LYPLAL1: variants seen among roughly 807,000 people sequenced by gnomAD.
LYPLAL1 encodes the protein lysophospholipase-like protein 1.
In LYPLAL1, 23 loss-of-function variants were observed where a neutral mutation model predicts 19.7. The observed-to-expected ratio is 1.17, with a 90% CI of 0.84 to 1.65. The LOEUF is 1.65. Among genes scored for constraint, LYPLAL1 ranks in the 40% most tolerant of loss-of-function variants. LYPLAL1 has a pLI of 0.00. For synonymous variants in LYPLAL1, 119 were observed against 96.3 expected, an observed-to-expected ratio of 1.24 and a Z score of -1.38; for missense variants, 355 against 279.4, an observed-to-expected ratio of 1.27 and a Z score of -1.93.
At chr1:219,313,887 T>TTTACACAAACA in the LYPLAL1 span, among the ~76,000 whole-genome samples, 1 of 152,174 alleles carries the variant, frequency 6.6e-6, no homozygotes, top group Non-Finnish European at 1.5e-5. Context: ...GTAAATTGAG[T>TTTACACAAACA]GTCACAGGGG....
chr1:219,361,610 T>C, the LYPLAL1 span, among the ~76,000 whole-genome samples: 2 of 152,140 alleles, frequency 1.3e-5, no homozygotes, highest in African/African-American at 2.4e-5. Flanking sequence ...TTTTAAAATA[T>C]GTGCACAAGA....
chr1:219,184,212 C>G (rs1019465664), intron 2 of LYPLAL1, among the ~76,000 whole-genome samples: 38 of 151,844 alleles, frequency 2.5e-4, no homozygotes, highest in Non-Finnish European at 7.4e-5. Flanking sequence ...ATTAATTTCT[C>G]TCAGAAGTGA....
chr1:219,269,915 C>G, the LYPLAL1 span, among the ~76,000 whole-genome samples: 1 of 152,152 alleles, frequency 6.6e-6, no homozygotes, highest in Non-Finnish European at 1.5e-5. Flanking sequence ...AAATACCAAA[C>G]TGCTATTTCC....
the LYPLAL1 span, among the ~76,000 whole-genome samples, chr1:219,245,270 C>T: frequency 2.0e-5 from 3 of 149,552 alleles, no homozygotes; most frequent in Non-Finnish European, 4.4e-5. Context: ...GCTCATTTAC[C>T]ATATCACATT....
At chr1:219,279,341 G>A in the LYPLAL1 span, among the ~76,000 whole-genome samples, 48 of 152,278 alleles carry the variant, frequency 3.2e-4, no homozygotes, top group African/African-American at 7.9e-4. Flanking sequence ...AATGGGGCAC[G>A]CCATCAGGTA....
chr1:219,366,898 T>C, the LYPLAL1 span, among the ~76,000 whole-genome samples: 5 of 152,114 alleles, frequency 3.3e-5, no homozygotes, highest in Non-Finnish European at 5.9e-5. Context: ...ATGTCTTTAC[T>C]TCCAGAAAAA....
chr1:219,230,551 A>C, the LYPLAL1 span, among the ~76,000 whole-genome samples: 52,315 of 152,138 alleles, frequency 0.34, 9,415 homozygotes, highest in Non-Finnish European at 0.39. Flanking sequence ...TGTCTAAAAG[A>C]AAGATACAAG....
At chr1:219,233,733 C>G in the LYPLAL1 span, among the ~76,000 whole-genome samples, 1 of 150,918 alleles carries the variant, frequency 6.6e-6, no homozygotes, top group Non-Finnish European at 1.5e-5. Context: ...ATCTGCACCA[C>G]TGCACCCCAG....
chr1:219,396,102 C>CAA, the LYPLAL1 span, among the ~76,000 whole-genome samples: 148 of 119,194 alleles, frequency 1.2e-3, no homozygotes, highest in African/African-American at 4.6e-3. Context: ...GACTCCATCT[C>CAA]AAAAAAAAAA....
chr1:219,175,992 T>C (rs1414495006), intron 1 of LYPLAL1, among the ~76,000 whole-genome samples: 5 of 152,244 alleles, frequency 3.3e-5, no homozygotes, highest in African/African-American at 4.8e-5. Context: ...AGATGTTGTT[T>C]TGCAGCTGCA....
the LYPLAL1 span, among the ~76,000 whole-genome samples, chr1:219,353,930 T>TA: frequency 2.4e-4 from 37 of 151,568 alleles, no homozygotes; most frequent in African/African-American, 3.1e-4. Flanking sequence ...ATGGAAATTA[T>TA]AAAAAAAAAT....
chr1:219,232,093 A>G, the LYPLAL1 span, among the ~76,000 whole-genome samples: 20 of 152,134 alleles, frequency 1.3e-4, no homozygotes, highest in Non-Finnish European at 2.1e-4. Context: ...TTTCTCTTCA[A>G]ATTCTACATT....
At chr1:219,411,523 C>A in the LYPLAL1 span, among the ~76,000 whole-genome samples, 39,399 of 151,980 alleles carry the variant, frequency 0.26, 6,129 homozygotes, top group East Asian at 0.53. Flanking sequence ...ACAAAACAGG[C>A]CACTCGGCTC....
the LYPLAL1 span, among the ~76,000 whole-genome samples, chr1:219,257,982 T>C: frequency 6.6e-6 from 1 of 152,006 alleles, no homozygotes; most frequent in Non-Finnish European, 1.5e-5. Flanking sequence ...TTATTAATAT[T>C]ACTTGCTGGG....
chr1:219,247,354 C>A, the LYPLAL1 span, among the ~76,000 whole-genome samples: 9 of 152,172 alleles, frequency 5.9e-5, no homozygotes, highest in African/African-American at 1.7e-4. Context: ...AAACATCTGT[C>A]AAGTGAAATT....
At chr1:219,266,485 C>A in the LYPLAL1 span, among the ~76,000 whole-genome samples, 6 of 151,956 alleles carry the variant, frequency 3.9e-5, no homozygotes, top group Non-Finnish European at 7.4e-5. Context: ...AAAGGATATA[C>A]CTGAGGTTTT....
chr1:219,397,410 G>A, the LYPLAL1 span, among the ~76,000 whole-genome samples: 1 of 152,136 alleles, frequency 6.6e-6, no homozygotes, highest in East Asian at 1.9e-4. Flanking sequence ...AGGTATCAGG[G>A]TGATGCTGAC....
chr1:219,323,385 G>A, the LYPLAL1 span, among the ~76,000 whole-genome samples: 13 of 152,146 alleles, frequency 8.5e-5, no homozygotes, highest in Non-Finnish European at 1.5e-4. Flanking sequence ...TCATTATGTG[G>A]CCTTCATTAG....
the LYPLAL1 span, among the ~76,000 whole-genome samples, chr1:219,284,304 T>G: frequency 1.3e-5 from 2 of 152,160 alleles, no homozygotes; most frequent in Admixed American, 6.6e-5. Flanking sequence ...TGAGCAAAAG[T>G]CCTGATCACC....
Sources: allele counts gnomAD v4.1 joint callset (sites outside exome capture counted in the v4.1 genomes callset), GRCh38; gene constraint gnomAD v4.1.1; transcripts MANE v1.5; gene names NCBI Gene and HGNC (gene_info 2026-07-23, HGNC 2026-07-21).